Variants in GALK2 observed in about 807,000 individuals in gnomAD.
GALK2 encodes N-acetylgalactosamine kinase.
A neutral mutation model predicts 52.4 loss-of-function variants in GALK2; 36 were observed. That is an observed-to-expected ratio of 0.69 (90% CI 0.53 to 0.91). The LOEUF (loss-of-function observed/expected upper bound fraction) is 0.91. GALK2 is among the 40% of genes least tolerant of loss of function. GALK2 has a pLI of 0.00. For synonymous variants in GALK2, 176 were observed against 199.1 expected, an observed-to-expected ratio of 0.88 and a Z score of 0.98; for missense variants, 579 against 559.1, an observed-to-expected ratio of 1.04 and a Z score of -0.36.
chr15:49,365,809 A>G, intron 3 of GALK2: 1 of 868,354 alleles, frequency 1.2e-6, no homozygotes. Flanking sequence ...CAGTCCAGAG[A>G]GAAACATAAG....
chr15:49,333,339 T>C (rs2039141502), downstream of GALK2, among the ~76,000 whole-genome samples: 1 of 152,212 alleles, frequency 6.6e-6, no homozygotes, highest in South Asian at 2.1e-4. Flanking sequence ...CCTATAACTT[T>C]AACAAGCACG....
chr15:49,356,310 C>A (rs2043158925), intron 3 of GALK2, among the ~76,000 whole-genome samples: 1 of 151,036 alleles, frequency 6.6e-6, no homozygotes, highest in Admixed American at 6.6e-5. Flanking sequence ...AGAGTCAAGA[C>A]CCATCAGTGT....
intron 9 of GALK2, among the ~76,000 whole-genome samples, chr15:49,320,559 A>T (rs182257783): frequency 2.3e-4 from 35 of 152,352 alleles, no homozygotes; most frequent in Middle Eastern, 6.8e-3. Context: ...GTGAGAACAC[A>T]ATGCTACACT....
intron 6 of GALK2, among the ~76,000 whole-genome samples, chr15:49,282,498 T>C (rs75791203): frequency 0.018 from 2,798 of 152,300 alleles, 32 homozygotes; most frequent in Non-Finnish European, 0.028. Context: ...TTACCACATA[T>C]ATTCACAGTC....
intron 5 of GALK2, among the ~76,000 whole-genome samples, chr15:49,245,693 A>G (rs2091313301): frequency 6.6e-6 from 1 of 152,184 alleles, no homozygotes; most frequent in Non-Finnish European, 1.5e-5. Context: ...CATTCCAACA[A>G]ATCAGATGTT....
chr15:49,169,139 TGGA>T (rs2084924681), upstream of GALK2: 1 of 152,488 alleles, frequency 6.6e-6, no homozygotes, highest in Admixed American at 6.6e-5. Flanking sequence ...GAAGGAAACA[TGGA>T]GACAAAGTAT....
chr15:49,317,483 T>C (rs2036515921), intron 8 of GALK2, among the ~76,000 whole-genome samples: 2 of 151,918 alleles, frequency 1.3e-5, no homozygotes, highest in Admixed American at 6.6e-5. Flanking sequence ...AGTTCAACCA[T>C]TGTGGAAGAC....
chr15:49,282,419 A>G (rs886481223), intron 6 of GALK2, among the ~76,000 whole-genome samples: 8 of 151,358 alleles, frequency 5.3e-5, no homozygotes, highest in Admixed American at 3.3e-4. Flanking sequence ...TCCTGCTCCT[A>G]TCCTAAATCA....
intron 8 of GALK2, among the ~76,000 whole-genome samples, chr15:49,303,555 A>G (rs1406038678): frequency 6.6e-6 from 1 of 152,240 alleles, no homozygotes; most frequent in South Asian, 2.1e-4. Context: ...CCTTTGAAGC[A>G]TGAAAAATAC....
chr15:49,296,604 CTTT>C (rs60540720), intron 8 of GALK2, among the ~76,000 whole-genome samples: 3 of 147,848 alleles, frequency 2.0e-5, no homozygotes, highest in Admixed American at 6.7e-5. Context: ...GTGTCTTTTT[CTTT>C]TTTTTTTTTT....
Position 49,184,895 on chromosome 15 carries a change from T to C in GALK2, c.53+14520T>C, listed in dbSNP as rs569745576. Among the ~76,000 whole-genome samples the C allele has an allele frequency of 2.0e-5, 3 of 152,322 alleles. No homozygotes were observed. In the East Asian group the frequency reaches 5.8e-4, roughly 29 times the overall value. ...CTACTCAAGATATAAGTAGTATACA[T>C]GCCACAATTATAGTGTTACAATGTT... is the stretch of plus-strand genomic sequence containing the variant. On this transcript the variant is annotated intron_variant, in intron 1 of 9. Transcript: ENST00000560031.
intron 1 of GALK2, among the ~76,000 whole-genome samples, chr15:49,187,185 C>A (rs2086416318): frequency 6.6e-6 from 1 of 152,214 alleles, no homozygotes; most frequent in Non-Finnish European, 1.5e-5. Flanking sequence ...GTGTCTCTTG[C>A]CTTCTTGTAG....
intron 1 of GALK2, among the ~76,000 whole-genome samples, chr15:49,157,261 T>C (rs2084490164): frequency 6.6e-6 from 1 of 152,168 alleles, no homozygotes; most frequent in East Asian, 1.9e-4. Context: ...AGTAAAAGCT[T>C]TCCTGACTCT....
intron 5 of GALK2, among the ~76,000 whole-genome samples, chr15:49,249,186 AC>A (rs934279708): frequency 6.6e-6 from 1 of 152,070 alleles, no homozygotes; most frequent in African/African-American, 2.4e-5. Flanking sequence ...AGGATAGATA[AC>A]CCCCCTACCA....
chr15:49,156,101 C>T, intron 1 of GALK2: 1 of 1,346,478 alleles, frequency 7.4e-7, no homozygotes, highest in Non-Finnish European at 1.1e-6. Flanking sequence ...TACTTTTCAG[C>T]AACACAGTTT....
intron 3 of GALK2, among the ~76,000 whole-genome samples, chr15:49,228,537 T>G (rs1595748782): frequency 6.7e-6 from 1 of 149,852 alleles, no homozygotes; most frequent in East Asian, 1.9e-4. Context: ...TTTTATTTCA[T>G]TCAGTGAATT....
At chr15:49,275,197 G>A (rs2031454311) in intron 5 of GALK2, among the ~76,000 whole-genome samples, 1 of 152,152 alleles carries the variant, frequency 6.6e-6, no homozygotes, top group African/African-American at 2.4e-5. Flanking sequence ...GTCACTAGGT[G>A]ATAGGAATTG....
At chr15:49,321,981 CTT>C (rs1331006846) in intron 9 of GALK2, among the ~76,000 whole-genome samples, 2 of 152,188 alleles carry the variant, frequency 1.3e-5, no homozygotes, top group African/African-American at 4.8e-5. Context: ...TTCCGACTCT[CTT>C]TTCATTCTGA....
chr15:49,193,938 A>G (rs1414519289), intron 1 of GALK2: 1 of 151,972 alleles, frequency 6.6e-6, no homozygotes, highest in Non-Finnish European at 1.5e-5. Flanking sequence ...TGTGTTAGCC[A>G]GATGGTCTCG....
Sources: allele counts gnomAD v4.1 joint callset (sites outside exome capture counted in the v4.1 genomes callset), GRCh38; gene constraint gnomAD v4.1.1; transcripts MANE v1.5; gene names NCBI Gene and HGNC (gene_info 2026-07-23, HGNC 2026-07-21).